BAZ2A: variants seen among roughly 807,000 people sequenced by gnomAD.
The protein encoded by BAZ2A is bromodomain adjacent to zinc finger domain protein 2A.
BAZ2A carries 34 observed loss-of-function variants against 199.9 expected under a neutral mutation model. That is an observed-to-expected ratio of 0.17 (90% confidence interval 0.13 to 0.23). BAZ2A has a LOEUF of 0.23. Ranked by LOEUF, BAZ2A falls within the 10% of genes least tolerant of loss-of-function variation. The probability of loss-of-function intolerance (pLI) is 1.00; values close to 1 mark genes in which losing one functional copy is unlikely to be tolerated. For synonymous variants in BAZ2A, 857 were observed against 883.9 expected (o/e 0.97, Z 0.54); for missense variants, 2,002 against 2,391.1 (o/e 0.84, Z 3.39).
intron 1 of BAZ2A, 78 bp downstream of exon 1, chr12:56,630,047 C>T (rs1267565861): frequency 1.1e-6 from 1 of 910,224 alleles, no homozygotes; most frequent in African/African-American, 1.8e-5. Context: ...GGCTCTGGAG[C>T]TTCTGTTCCC....
At position 56,597,618 on chromosome 12, in the gene BAZ2A, CACAGCGCGCTCTGAGGCCG is replaced by C. The variant is rs1211163897; in HGVS notation, c.*981_*999del. 1.3e-4 allele frequency: 18 copies of C among 135,806 alleles called. No individual in the cohort carries two copies. The highest frequency in any genetic ancestry group is 5.6e-4 in the African/African-American group (16 of 28,528). The allele number at this position is 135,806 out of a possible 1,614,324, so 8.4% of individuals were successfully genotyped here. On this transcript the variant is annotated 3_prime_UTR_variant, in exon 29 of 29. Coordinates refer to ENST00000549884, the MANE Select transcript of BAZ2A (RefSeq NM_001300905.2). ...TGAGGCTGACACACACACACACACACACAGCGCGCTCTGAGGCCGACACACACACACACACACACACACA... is the reference window on the plus strand; with the variant it reads ...TGAGGCTGACACACACACACACACACACACACACACACACACACACACACA...
upstream of BAZ2A, among the ~76,000 whole-genome samples, chr12:56,633,772 C>G (rs1420043813): frequency 6.6e-6 from 1 of 152,148 alleles, no homozygotes; most frequent in African/African-American, 2.4e-5. Context: ...CAGTCTTGCT[C>G]TGTCACCCAG....
At chr12:56,636,379 T>A, upstream of BAZ2A, 2 of 946,492 alleles carry the variant, frequency 2.1e-6, no homozygotes, top group Non-Finnish European at 2.8e-6. Flanking sequence ...TGTGACAGAC[T>A]GGGGTGGGGA....
In BAZ2A at chr12:56,604,809, G is replaced by A. The variant is rs1227924946; in HGVS notation, c.2749-10C>T. 1.2e-6 allele frequency: 2 copies of A among 1,611,930 alleles called. No homozygotes were observed. The highest frequency in any genetic ancestry group is 1.6e-4 in the Middle Eastern group (1 of 6,062). On this transcript the variant is annotated splice_polypyrimidine_tract_variant and intron_variant, in intron 14 of 28. Coordinates refer to ENST00000549884, the MANE Select transcript of BAZ2A (RefSeq NM_001300905.2). The stretch of plus-strand genomic sequence containing the variant: ...CCAAGATCTTTAGGGACTGTGTGGA[G>A]GACAGCATAATGGGGGTGAGTAGGG...
chr12:56,596,804 G>A lies in BAZ2A; in HGVS notation c.*1814C>T, dbSNP rs1207224657. On this transcript the variant is annotated 3_prime_UTR_variant, in exon 29 of 29. Transcript: ENST00000549884. ...TCTCAAATAAAATTAAAAGTTTTGA[G>A]GTTTATCTGACAGAAAAGGCGACTT... 1 of 152,412 alleles carries A rather than the reference G, an allele frequency of 6.6e-6. No homozygotes were observed. The highest frequency in any genetic ancestry group is 6.5e-5 in the Admixed American group (1 of 15,282). 9.4% of individuals were successfully genotyped at this position (152,412 alleles called of 1,614,324 possible). A position where few individuals can be genotyped will look rare whatever the true frequency, so the allele number is the denominator to read the frequency against.
chr12:56,604,871 GA>G, intron 14 of BAZ2A, 72 bp from the exon 15 acceptor site: 1 of 1,508,864 alleles, frequency 6.6e-7, no homozygotes, highest in Non-Finnish European at 9.1e-7. Flanking sequence ...TGTGCAAGAG[GA>G]AAATACATCA....
At chr12:56,616,868 A>G (rs1950740115) in intron 2 of BAZ2A, among the ~76,000 whole-genome samples, 1 of 152,200 alleles carries the variant, frequency 6.6e-6, no homozygotes. Flanking sequence ...CAATCCTGGC[A>G]GCAACACCTC....
Position 56,611,965 on chromosome 12 carries a change from C to T in BAZ2A, c.1417G>A (p.Ala473Thr). 6.2e-7 allele frequency: 1 copy of T among 1,613,112 alleles called. No individual in the cohort carries two copies. Residue 473 changes from alanine (A) to threonine (T), a missense_variant, in exon 6 of 29, where the codon GCA becomes ACA. By Grantham distance (58) the Ala-to-Thr change is moderately conservative. Coordinates refer to ENST00000549884, the MANE Select transcript of BAZ2A (RefSeq NM_001300905.2). Reference protein sequence around the residue: ...VFSVVSPASSAVLPAVSLEVP... With the variant: ...VFSVVSPASSTVLPAVSLEVP... ...TCTAAGGAGACTGCTGGGAGGACTG[C>T]TGAGGAAGCTGGAGAGACCACTGAG...
rs370898421 is a variant in BAZ2A, at chr12:56,599,690, C to T, written c.5172+12G>A. On this transcript the variant is annotated intron_variant, in intron 26 of 28. Transcript: ENST00000549884. Reference sequence around the variant, plus strand: ...CTGTTTGAGTGTGGGAAAGAAAGAGCAGAAGCCTTACCTGAGCCAAACAGA... The same window carrying T: ...CTGTTTGAGTGTGGGAAAGAAAGAGTAGAAGCCTTACCTGAGCCAAACAGA... 30 of 1,612,868 alleles carry T rather than the reference C, an allele frequency of 1.9e-5. No homozygotes were observed. The African/African-American group carries it at 3.9e-4, about 21-fold the overall frequency.
chr12:56,636,514 A>G, upstream of BAZ2A: 1 of 468,406 alleles, frequency 2.1e-6, no homozygotes, highest in Non-Finnish European at 3.3e-6. Context: ...ATGGTAGAAG[A>G]GGCCGGCAAA....
At position 56,612,179 on chromosome 12, in the gene BAZ2A, G is replaced by A; in HGVS notation, c.1203C>T (p.Asp401=). 1 of 1,613,824 alleles carries A rather than the reference G, an allele frequency of 6.2e-7. No homozygotes were observed. Among genetic ancestry groups the A allele is most frequent in the Non-Finnish European group, 8.5e-7 (1 of 1,179,870 alleles). The change falls in exon 6 of 29, where the codon GAC becomes GAT. Residue 401 remains aspartate (D), a synonymous_variant. Coordinates refer to ENST00000549884, the MANE Select transcript of BAZ2A (RefSeq NM_001300905.2). ...EQEEMETQSS[D]FPPSLTQPAP... is the part of the protein sequence containing the mutation. ...CTGGCTGGGTCAGGGATGGTGGGAA[G>A]TCTGAAGATTGAGTTTCCATTTCTT...
chr12:56,607,504 T>C (rs1471020379), intron 10 of BAZ2A, among the ~76,000 whole-genome samples: 1 of 152,162 alleles, frequency 6.6e-6, no homozygotes, highest in African/African-American at 2.4e-5. Flanking sequence ...CCCCAGTAGC[T>C]GGGACTACAG....
chr12:56,604,624 A>C lies in BAZ2A; in HGVS notation c.2924T>G (p.Phe975Cys), dbSNP rs749167753. The change falls in exon 15 of 29, where the codon TTC (phenylalanine) becomes TGC (cysteine). Residue 975 changes from phenylalanine (F) to cysteine (C), a missense_variant. Transcript: ENST00000549884. ...GGAGCCATTGAGCTCATGCACAAGGAAGGCCAGGACAGCAGCCTTCTGCTG... is the reference window on the plus strand; with the variant it reads ...GGAGCCATTGAGCTCATGCACAAGGCAGGCCAGGACAGCAGCCTTCTGCTG... Reference protein sequence around the residue: ...PPQQKAAVLAFLVHELNGSTL... With the variant: ...PPQQKAAVLACLVHELNGSTL... The C allele has an allele frequency of 8.1e-6, 13 of 1,604,378 alleles. No homozygotes were observed. The highest frequency in any genetic ancestry group is 3.4e-5 in the Admixed American group (2 of 58,260).
chr12:56,606,226 C>T (rs201312646), intron 12 of BAZ2A, 21 bp downstream of exon 12: 2 of 1,613,860 alleles, frequency 1.2e-6, no homozygotes, highest in African/African-American at 2.7e-5. Context: ...TTATACTTGG[C>T]AAGTTTGTAC....
chr12:56,623,870 G>C (rs956654907), intron 1 of BAZ2A, among the ~76,000 whole-genome samples: 2 of 152,118 alleles, frequency 1.3e-5, no homozygotes, highest in Admixed American at 6.6e-5. Context: ...AAAGTTCCAA[G>C]TTTTCACTGT....
intron 1 of BAZ2A, among the ~76,000 whole-genome samples, chr12:56,619,811 C>T (rs1230267836): frequency 6.6e-6 from 1 of 152,056 alleles, no homozygotes; most frequent in African/African-American, 2.4e-5. Context: ...GAGATCAAGA[C>T]CAGCTTGGGA....
At chr12:56,620,219 T>C (rs61318927) in intron 1 of BAZ2A, among the ~76,000 whole-genome samples, 1 of 152,132 alleles carries the variant, frequency 6.6e-6, no homozygotes, top group East Asian at 1.9e-4. Context: ...TAAGAAAGTT[T>C]ACAAATTGGT....
intron 12 of BAZ2A, 44 bp downstream of exon 12, chr12:56,606,203 A>C (rs1428739931): frequency 6.2e-7 from 1 of 1,611,380 alleles, no homozygotes; most frequent in East Asian, 2.2e-5. Context: ...AAATCAGTTT[A>C]GTGGCTTCGA....
intron 7 of BAZ2A, among the ~76,000 whole-genome samples, chr12:56,610,993 CAG>C (rs1447607157): frequency 6.6e-6 from 1 of 152,096 alleles, no homozygotes; most frequent in South Asian, 2.1e-4. Context: ...CAAAGTTAGT[CAG>C]AGTTAGTTCT....
Sources: gnomAD v4.1 joint callset for allele counts (sites outside exome capture counted in the v4.1 genomes callset) on GRCh38, gnomAD v4.1.1 for gene constraint, MANE v1.5 for transcripts, NCBI Gene and HGNC (gene_info 2026-07-23, HGNC 2026-07-21) for gene names.